The following PTPRN2 variants were observed in gnomAD, a reference collection of about 807,000 sequenced individuals.
PTPRN2 encodes protein tyrosine phosphatase receptor type N2.
PTPRN2 carries 74 observed loss-of-function variants against 118.8 expected under a neutral mutation model. That is an observed-to-expected ratio of 0.62 (90% CI 0.52 to 0.76). The LOEUF is 0.76. Ranked by LOEUF, PTPRN2 falls within the 30% of genes least tolerant of loss-of-function variation. The probability of loss-of-function intolerance (pLI) is 0.00; values close to 1 mark genes in which losing one functional copy is unlikely to be tolerated. For missense variants in PTPRN2, 1,481 were observed against 1,394.4 expected (o/e 1.06, Z -0.99); for synonymous variants, 641 against 608.0 (o/e 1.05, Z -0.80).
intron 12 of PTPRN2, among the ~76,000 whole-genome samples, chr7:157,786,180 C>T (rs1329896507): frequency 6.6e-6 from 1 of 152,236 alleles, no homozygotes; most frequent in African/African-American, 2.4e-5. Flanking sequence ...CTCACACAAA[C>T]CACACGGGGA....
chr7:157,837,008 C>A (rs2151172194), intron 12 of PTPRN2, among the ~76,000 whole-genome samples: 1 of 150,890 alleles, frequency 6.6e-6, no homozygotes, highest in African/African-American at 2.4e-5. Flanking sequence ...TCCATCCACC[C>A]ACCCATCCAC....
chr7:158,370,325 A>G (rs1476954419), intron 2 of PTPRN2, among the ~76,000 whole-genome samples: 2 of 152,170 alleles, frequency 1.3e-5, no homozygotes, highest in Non-Finnish European at 2.9e-5. Context: ...AGTCCCAGTT[A>G]CTCGAGAGGC....
intron 11 of PTPRN2, among the ~76,000 whole-genome samples, chr7:157,911,274 G>T (rs1798090207): frequency 6.6e-6 from 1 of 152,194 alleles, no homozygotes; most frequent in African/African-American, 2.4e-5. Flanking sequence ...GTGATCTCCA[G>T]GATGAAAAGA....
At chr7:157,754,787 G>A (rs1047641405) in intron 12 of PTPRN2, among the ~76,000 whole-genome samples, 1 of 152,250 alleles carries the variant, frequency 6.6e-6, no homozygotes, top group Non-Finnish European at 1.5e-5. Flanking sequence ...TCAGGTAAAA[G>A]GTGGCGTAAA....
At chr7:158,170,895 G>A (rs1823482875) in intron 5 of PTPRN2, among the ~76,000 whole-genome samples, 1 of 151,776 alleles carries the variant, frequency 6.6e-6, no homozygotes, top group Non-Finnish European at 1.5e-5. Context: ...AATAATAATA[G>A]TATCTGGCAC....
chr7:157,973,851 C>G (rs1234002583), intron 11 of PTPRN2, among the ~76,000 whole-genome samples: 3 of 152,232 alleles, frequency 2.0e-5, no homozygotes, highest in African/African-American at 7.2e-5. Context: ...CGCTGTCTTT[C>G]TTCCGTTAGG....
intron 12 of PTPRN2, among the ~76,000 whole-genome samples, chr7:157,870,345 A>G (rs1336232149): frequency 2.0e-5 from 3 of 152,294 alleles, no homozygotes; most frequent in Non-Finnish European, 2.9e-5. Flanking sequence ...TTCATCTTCA[A>G]TATCATCTCA....
intron 6 of PTPRN2, among the ~76,000 whole-genome samples, chr7:158,155,460 CCATCATCATCACCATCACCAT>C (rs1563528575): frequency 1.3e-5 from 2 of 151,050 alleles, no homozygotes; most frequent in African/African-American, 4.9e-5. Context: ...ACCATCATCA[CCATCATCATCACCATCACCAT>C]CATCATCACC....
At chr7:158,532,507 T>G (rs1420442688) in intron 1 of PTPRN2, among the ~76,000 whole-genome samples, 2 of 152,076 alleles carry the variant, frequency 1.3e-5, no homozygotes, top group Non-Finnish European at 2.9e-5. Flanking sequence ...CACCGATGCC[T>G]CCACACTGGA....
chr7:158,317,310 G>C (rs528033140), intron 2 of PTPRN2, among the ~76,000 whole-genome samples: 11 of 152,332 alleles, frequency 7.2e-5, no homozygotes, highest in African/African-American at 2.2e-4. Flanking sequence ...CAGTTTTCCA[G>C]ATGAAAAACA....
chr7:158,516,846 G>A lies in PTPRN2; in HGVS notation c.113-27061C>T, dbSNP rs1160374983. On this transcript the variant is annotated intron_variant, in intron 1 of 22. Transcript: ENST00000389418. Reference sequence around the variant, plus strand: ...TATTGTTCTTGGTGCCGTTCTTGGTGCTTCTGCCTATTGTTCTTGGTGCTG... The same window carrying A: ...TATTGTTCTTGGTGCCGTTCTTGGTACTTCTGCCTATTGTTCTTGGTGCTG... 2.6e-5 allele frequency among the ~76,000 whole-genome samples: 4 copies of A among 151,944 alleles called. No homozygotes were observed. The East Asian group carries it at 7.8e-4, about 29-fold the overall frequency.
chr7:158,491,656 A>C (rs1821453898), intron 1 of PTPRN2, among the ~76,000 whole-genome samples: 1 of 151,690 alleles, frequency 6.6e-6, no homozygotes, highest in Non-Finnish European at 1.5e-5. Flanking sequence ...TACCCAACTA[A>C]TTTTTGTATT....
intron 10 of PTPRN2, among the ~76,000 whole-genome samples, chr7:158,106,874 T>C (rs921095684): frequency 6.6e-5 from 10 of 152,152 alleles, no homozygotes; most frequent in Non-Finnish European, 1.3e-4. Context: ...AAAACCAGAT[T>C]ATCTAATTCT....
chr7:157,695,610 T>C (rs1797726949), intron 12 of PTPRN2, among the ~76,000 whole-genome samples: 1 of 152,232 alleles, frequency 6.6e-6, no homozygotes, highest in Admixed American at 6.5e-5. Context: ...AGCCTCCTAG[T>C]AAAGCATAGT....
chr7:157,846,178 G>A (rs1034944442), intron 12 of PTPRN2, among the ~76,000 whole-genome samples: 9 of 152,108 alleles, frequency 5.9e-5, no homozygotes, highest in East Asian at 1.9e-4. Context: ...AAGATGAGCC[G>A]CCAATATTCT....
intron 11 of PTPRN2, among the ~76,000 whole-genome samples, chr7:157,967,338 C>T (rs1802019677): frequency 6.6e-6 from 1 of 152,164 alleles, no homozygotes; most frequent in South Asian, 2.1e-4. Flanking sequence ...ACTTATTGTT[C>T]TGCAGGTTAG....
At chr7:158,410,387 T>C (rs544751159) in intron 2 of PTPRN2, among the ~76,000 whole-genome samples, 50 of 152,218 alleles carry the variant, frequency 3.3e-4, no homozygotes, top group African/African-American at 1.1e-3. Flanking sequence ...AGTACCCAGG[T>C]GACTACAGAC....
At chr7:157,776,494 T>C (rs1447980282) in intron 12 of PTPRN2, among the ~76,000 whole-genome samples, 210 of 27,402 alleles carry the variant, frequency 7.7e-3, no homozygotes, top group African/African-American at 0.02. Context: ...TCCCTCTCCT[T>C]CTCCCTCTCC....
rs937262127 is a variant in PTPRN2 at position 157,610,149 on chromosome 7, T to C, written c.2345-6074A>G. Among the ~76,000 whole-genome samples, 4 of 152,142 alleles carry C rather than the reference T, an allele frequency of 2.6e-5. No homozygotes were observed. Among genetic ancestry groups the C allele is most frequent in the African/African-American group, 9.7e-5 (4 of 41,442 alleles). On this transcript the variant is annotated intron_variant, in intron 15 of 22. Transcript: ENST00000389418. This position sits in a 1 kb window ranked among gnomAD's most constrained non-coding sequence, Gnocchi z 5.1. ...CAAGAATCTGCCTCCCACCAGCACA[T>C]GGGCTCCACGGTGCTGCTGTTTGGA...
Sources: allele counts gnomAD v4.1 joint callset (sites outside exome capture counted in the v4.1 genomes callset), GRCh38; gene constraint gnomAD v4.1.1; non-coding constraint Gnocchi (gnomAD v3.1); transcripts MANE v1.5; gene names NCBI Gene and HGNC (gene_info 2026-07-23, HGNC 2026-07-21).